Variants in GSE1 observed in about 807,000 individuals in gnomAD.
GSE1 encodes the protein Gse1 coiled-coil protein, also known as genetic suppressor element 1.
A neutral mutation model predicts 112.6 loss-of-function variants in GSE1; 32 were observed. The observed-to-expected ratio is 0.28, with a 90% CI of 0.21 to 0.38. The LOEUF is 0.38. GSE1 is among the 10% of genes least tolerant of loss of function. GSE1 has a pLI of 1.00. For missense variants in GSE1, 2,348 were observed against 1,699.2 expected (o/e 1.38, Z -6.71); for synonymous variants, 1,115 against 735.6 (o/e 1.52, Z -8.35).
chr16:85,402,132 C>T (rs982121780), intron 2 of GSE1, among the ~76,000 whole-genome samples: 2 of 152,192 alleles, frequency 1.3e-5, no homozygotes, highest in Non-Finnish European at 2.9e-5. Flanking sequence ...GCCGTTTGTC[C>T]CGGAACGCAG....
chr16:85,561,090 C>T (rs1374011332), intron 1 of GSE1, among the ~76,000 whole-genome samples: 1 of 151,402 alleles, frequency 6.6e-6, no homozygotes, highest in Admixed American at 6.6e-5. Context: ...TGTGATTCCA[C>T]GACTGTACTG....
intron 2 of GSE1, among the ~76,000 whole-genome samples, chr16:85,460,418 A>G (rs933857013): frequency 1.3e-5 from 2 of 152,234 alleles, no homozygotes; most frequent in African/African-American, 4.8e-5. Context: ...GCTTACCCTC[A>G]AGAGAGGGAC....
intron 1 of GSE1, among the ~76,000 whole-genome samples, chr16:85,315,283 G>C (rs1315067138): frequency 1.3e-5 from 2 of 152,312 alleles, no homozygotes; most frequent in Non-Finnish European, 2.9e-5. Flanking sequence ...TTTAGGGCCT[G>C]CTCTCCTGCA....
intron 1 of GSE1, among the ~76,000 whole-genome samples, chr16:85,286,707 T>G (rs1399289672): frequency 6.6e-6 from 1 of 151,438 alleles, no homozygotes; most frequent in Non-Finnish European, 1.5e-5. Flanking sequence ...GGTTGGGATT[T>G]TTTTTTTTTT....
intron 1 of GSE1, among the ~76,000 whole-genome samples, chr16:85,560,356 C>T (rs777552301): frequency 3.9e-5 from 6 of 151,988 alleles, no homozygotes; most frequent in Non-Finnish European, 8.8e-5. Flanking sequence ...AGGATGGTCT[C>T]GATCTCTTGA....
intron 13 of GSE1, chr16:85,666,686 CTT>C (rs1178046098): frequency 2.4e-5 from 7 of 288,610 alleles, no homozygotes; most frequent in Non-Finnish European, 4.6e-5. Context: ...AGGAAGAGCA[CTT>C]GAGTGGATTT....
intron 2 of GSE1, among the ~76,000 whole-genome samples, chr16:85,471,081 C>T (rs1017150781): frequency 9.9e-5 from 15 of 152,166 alleles, no homozygotes; most frequent in Admixed American, 8.5e-4. Context: ...GCCTCCGTGG[C>T]ATGTCCTTGA....
At chr16:85,442,210 G>C (rs1250901829) in intron 2 of GSE1, among the ~76,000 whole-genome samples, 3 of 152,114 alleles carry the variant, frequency 2.0e-5, no homozygotes, top group Admixed American at 1.3e-4. Flanking sequence ...GGCCTTTGCT[G>C]CCCCCCTCCT....
chr16:85,178,704 T>C (rs117394759), intron 1 of GSE1, among the ~76,000 whole-genome samples: 69 of 152,008 alleles, frequency 4.5e-4, no homozygotes, highest in Non-Finnish European at 7.8e-4. Context: ...CAGGCACTGT[T>C]CTAGACACCA....
intron 2 of GSE1, among the ~76,000 whole-genome samples, chr16:85,519,290 CCAT>C (rs1489186916): frequency 7.8e-6 from 1 of 128,594 alleles, no homozygotes; most frequent in Admixed American, 7.8e-5. Flanking sequence ...ATCACCACCA[CCAT>C]CACCGGTCTC....
intron 2 of GSE1, among the ~76,000 whole-genome samples, chr16:85,544,898 G>A (rs1278342767): frequency 6.6e-6 from 1 of 152,250 alleles, no homozygotes; most frequent in Non-Finnish European, 1.5e-5. Flanking sequence ...AGCAGGATGT[G>A]AGGAGGCCAG....
chr16:85,304,605 G>GGGA (rs1555557442), intron 1 of GSE1, among the ~76,000 whole-genome samples: 4 of 130,058 alleles, frequency 3.1e-5, no homozygotes, highest in Admixed American at 2.2e-4. Flanking sequence ...CGGGGGCGGG[G>GGGA]GGGTGGGGCA....
chr16:85,642,395 G>C (rs981012247), intron 2 of GSE1, among the ~76,000 whole-genome samples: 3 of 152,228 alleles, frequency 2.0e-5, no homozygotes, highest in African/African-American at 7.2e-5. Context: ...CAGGTTAGCA[G>C]ACACACAGGG....
chr16:85,469,473 C>G (rs568274142), intron 2 of GSE1, among the ~76,000 whole-genome samples: 2 of 152,280 alleles, frequency 1.3e-5, no homozygotes, highest in African/African-American at 2.4e-5. Flanking sequence ...GACATCTGGC[C>G]TCTGGGACTG....
chr16:85,328,956 C>T (rs2046283149), intron 1 of GSE1, among the ~76,000 whole-genome samples: 1 of 152,224 alleles, frequency 6.6e-6, no homozygotes, highest in Non-Finnish European at 1.5e-5. Flanking sequence ...GGCTGATGCC[C>T]CTCCAGGACT....
At chr16:85,235,716 C>A (rs1904562093) in intron 1 of GSE1, among the ~76,000 whole-genome samples, 1 of 151,824 alleles carries the variant, frequency 6.6e-6, no homozygotes, top group African/African-American at 2.4e-5. Flanking sequence ...CTGGCCCCTT[C>A]CCCTCTGCGG....
chr16:85,520,148 G>C (rs997898973), intron 2 of GSE1, among the ~76,000 whole-genome samples: 1 of 152,234 alleles, frequency 6.6e-6, no homozygotes, highest in Non-Finnish European at 1.5e-5. Context: ...GGCAGATGAG[G>C]TGTTTGGTGA....
intron 2 of GSE1, among the ~76,000 whole-genome samples, chr16:85,643,795 A>AGG (rs962188368): frequency 1.3e-5 from 2 of 152,124 alleles, no homozygotes; most frequent in Non-Finnish European, 2.9e-5. Context: ...TCCGGTCCCC[A>AGG]GGGAGGACCC....
rs559849998 is a variant in GSE1 at position 85,505,445 on chromosome 16, G to C, written c.2465-128469G>C. 7.2e-5 allele frequency among the ~76,000 whole-genome samples: 11 copies of C among 152,272 alleles called. No homozygotes were observed. In the South Asian group the frequency reaches 2.3e-3, roughly 32 times the overall value. The stretch of plus-strand genomic sequence containing the variant: ...CTGGGGGCTGGGGAGGGTCACAGAA[G>C]ATGGTCCTTACCTATCTTACAAAGA... On this transcript the variant is annotated intron_variant, in intron 2 of 2. Transcript: ENST00000637419.
Sources: allele counts gnomAD v4.1 joint callset (sites outside exome capture counted in the v4.1 genomes callset), GRCh38; gene constraint gnomAD v4.1.1; transcripts MANE v1.5; gene names NCBI Gene and HGNC (gene_info 2026-07-23, HGNC 2026-07-21).